PKNOX2: variants seen among roughly 807,000 people sequenced by gnomAD.
PKNOX2 encodes homeobox protein PKNOX2.
PKNOX2 carries 14 observed loss-of-function variants against 53.1 expected under a neutral mutation model. The ratio of observed to expected loss-of-function variants is 0.26; its 90% CI spans 0.17 to 0.41. The LOEUF is 0.41. Among genes scored for constraint, PKNOX2 ranks in the 10% least tolerant of loss-of-function variants. The pLI is 1.00. For synonymous variants in PKNOX2, 257 were observed against 242.8 expected (o/e 1.06, Z -0.54); for missense variants, 496 against 602.8 (o/e 0.82, Z 1.85).
chr11:125,189,397 A>G (rs1167456711), intron 1 of PKNOX2, among the ~76,000 whole-genome samples: 1 of 57,330 alleles, frequency 1.7e-5, no homozygotes, highest in Non-Finnish European at 4.3e-5. Context: ...GTATATATAT[A>G]TGTGTGTATA....
chr11:125,260,476 C>T (rs900565320), intron 2 of PKNOX2, among the ~76,000 whole-genome samples: 9 of 151,726 alleles, frequency 5.9e-5, no homozygotes, highest in East Asian at 2.0e-4. Context: ...GGATTACAGA[C>T]GTGAGCCACC....
At chr11:125,341,305 G>A (rs556752740) in intron 3 of PKNOX2, among the ~76,000 whole-genome samples, 2 of 151,118 alleles carry the variant, frequency 1.3e-5, no homozygotes, top group East Asian at 2.0e-4. Flanking sequence ...GCAGTAAGCC[G>A]AGATCGTGCC....
At chr11:125,392,399 G>C (rs758813163) in intron 6 of PKNOX2, among the ~76,000 whole-genome samples, 11 of 152,214 alleles carry the variant, frequency 7.2e-5, no homozygotes, top group Non-Finnish European at 1.2e-4. Context: ...AACATTGATA[G>C]TGTTGCCTAC....
intron 9 of PKNOX2, 114 bp from the exon 10 acceptor site, chr11:125,411,632 G>C (rs774667003): frequency 6.4e-7 from 1 of 1,565,418 alleles, no homozygotes; most frequent in Non-Finnish European, 8.8e-7. Context: ...CAGGGCCCTA[G>C]GAATGAGCCG....
In PKNOX2 at chr11:125,429,395, G is replaced by A. The variant is rs372999208; in HGVS notation, c.1013+307G>A. ...CCAGCCCACCTGCACTTCAGAGACA[G>A]ACAGGATTGCCCGCAGCTGTGCACC... is the stretch of plus-strand genomic sequence containing the variant. On this transcript the variant is annotated intron_variant, in intron 11 of 12. Coordinates refer to ENST00000298282, the MANE Select transcript of PKNOX2 (RefSeq NM_001382323.2). Among the ~76,000 whole-genome samples, 6 of 152,346 alleles carry A rather than the reference G, an allele frequency of 3.9e-5. No individual in the cohort carries two copies. The East Asian group carries it at 7.7e-4, about 20-fold the overall frequency.
At chr11:125,356,123 A>G (rs898746686) in intron 4 of PKNOX2, among the ~76,000 whole-genome samples, 1 of 150,888 alleles carries the variant, frequency 6.6e-6, no homozygotes, top group Non-Finnish European at 1.5e-5. Context: ...CAAATATTGT[A>G]TCTGGTCTAT....
At chr11:125,340,543 T>C (rs1184129040) in intron 3 of PKNOX2, among the ~76,000 whole-genome samples, 1 of 152,162 alleles carries the variant, frequency 6.6e-6, no homozygotes, top group Non-Finnish European at 1.5e-5. Context: ...ATCTGGTTGT[T>C]AAGGAAAAGA....
intron 10 of PKNOX2, among the ~76,000 whole-genome samples, chr11:125,419,464 A>C (rs1269251171): frequency 2.6e-5 from 4 of 151,718 alleles, no homozygotes; most frequent in Admixed American, 6.6e-5. Context: ...AAAAAAAAAA[A>C]AACAAGAAAA....
At chr11:125,420,830 G>T (rs780635032) in intron 10 of PKNOX2, among the ~76,000 whole-genome samples, 8 of 152,162 alleles carry the variant, frequency 5.3e-5, no homozygotes, top group African/African-American at 1.9e-4. Context: ...GGGGCATCGT[G>T]TCAATAGGGC....
intron 1 of PKNOX2, among the ~76,000 whole-genome samples, chr11:125,190,219 T>C (rs661923): frequency 0.7 from 105,843 of 152,070 alleles, 36,949 homozygotes; most frequent in East Asian, 0.74. Flanking sequence ...CCACTGCGCC[T>C]GGCCTTCTCT....
intron 5 of PKNOX2, among the ~76,000 whole-genome samples, chr11:125,374,848 A>C (rs984356747): frequency 6.7e-6 from 1 of 149,182 alleles, no homozygotes. Context: ...TGGTATCTAC[A>C]TTCATGAAGA....
chr11:125,255,532 G>A lies in PKNOX2; in HGVS notation c.-130+20417G>A, dbSNP rs538431982. ...GAGCTTGCCCCATGCCAGGCACTGG[G>A]GCTCATTGCTGAATGGCACCAACAA... On this transcript the variant is annotated intron_variant, in intron 2 of 12. Coordinates refer to ENST00000298282, the MANE Select transcript of PKNOX2 (RefSeq NM_001382323.2). Among the ~76,000 whole-genome samples, 61 of 152,242 alleles carry A rather than the reference G, an allele frequency of 4.0e-4. No homozygotes were observed. In the South Asian group the frequency reaches 7.5e-3, roughly 19 times the overall value.
chr11:125,345,362 C>G (rs1950914405), intron 3 of PKNOX2, among the ~76,000 whole-genome samples: 1 of 152,264 alleles, frequency 6.6e-6, no homozygotes, highest in East Asian at 1.9e-4. Context: ...CATCCTCTCT[C>G]TCCATTCTGT....
intron 1 of PKNOX2, among the ~76,000 whole-genome samples, chr11:125,220,858 G>A (rs1941070901): frequency 6.6e-6 from 1 of 152,186 alleles, no homozygotes; most frequent in Non-Finnish European, 1.5e-5. Flanking sequence ...TCGCCACTGG[G>A]TCAGTACGTC....
intron 6 of PKNOX2, among the ~76,000 whole-genome samples, chr11:125,391,009 A>T (rs1472666705): frequency 6.6e-6 from 1 of 152,232 alleles, no homozygotes; most frequent in Admixed American, 6.5e-5. Context: ...AGATTTGAGC[A>T]TTGGCAGGCA....
intron 7 of PKNOX2, among the ~76,000 whole-genome samples, chr11:125,402,541 T>G (rs961145473): frequency 6.6e-6 from 1 of 152,190 alleles, no homozygotes; most frequent in Admixed American, 6.5e-5. Context: ...GGGCACTCAC[T>G]GTATGTTCTG....
chr11:125,207,916 T>C (rs1192389309), intron 1 of PKNOX2, among the ~76,000 whole-genome samples: 1 of 152,074 alleles, frequency 6.6e-6, no homozygotes, highest in Non-Finnish European at 1.5e-5. Context: ...TAGTCATCCA[T>C]TTTTTTAATT....
At chr11:125,294,756 C>T (rs989203196) in intron 2 of PKNOX2, among the ~76,000 whole-genome samples, 1 of 152,190 alleles carries the variant, frequency 6.6e-6, no homozygotes, top group Non-Finnish European at 1.5e-5. Flanking sequence ...ATCTGCAATA[C>T]GAACAGGTTA....
intron 3 of PKNOX2, among the ~76,000 whole-genome samples, chr11:125,341,270 C>A (rs928354698): frequency 6.6e-6 from 1 of 151,032 alleles, no homozygotes; most frequent in Non-Finnish European, 1.5e-5. Context: ...GCAGGAGAAT[C>A]GCTTGAACCC....
Sources: allele counts gnomAD v4.1 joint callset (sites outside exome capture counted in the v4.1 genomes callset), GRCh38; gene constraint gnomAD v4.1.1; transcripts MANE v1.5; gene names NCBI Gene and HGNC (gene_info 2026-07-23, HGNC 2026-07-21).